Variants in PAF1 observed in about 807,000 individuals in gnomAD.
PAF1 encodes RNA polymerase II-associated factor 1 homolog.
Under a neutral mutation model 68.4 loss-of-function variants are expected in PAF1, and 31 were observed. That is an observed-to-expected ratio of 0.45 (90% CI 0.34 to 0.61). The LOEUF is 0.61. Among genes scored for constraint, PAF1 ranks in the 20% least tolerant of loss-of-function variants. The pLI is 0.01. For synonymous variants in PAF1, 256 were observed against 240.5 expected, an observed-to-expected ratio of 1.06 and a Z score of -0.60; for missense variants, 435 against 692.9, an observed-to-expected ratio of 0.63 and a Z score of 4.18.
In PAF1 at chr19:39,388,580, C is replaced by T. The variant is rs767423189; in HGVS notation, c.837G>A (p.Met279Ile). 15 of 1,613,942 alleles carry T rather than the reference C, an allele frequency of 9.3e-6. No individual in the cohort carries two copies. Among genetic ancestry groups the T allele is most frequent in the Non-Finnish European group, 1.1e-5 (13 of 1,179,934 alleles). Residue 279 changes from methionine to isoleucine, a missense_variant, in exon 10 of 14, where the codon ATG (methionine) becomes ATA (isoleucine). Transcript: ENST00000221265. ...KKRKRDQEEEMDYAPDDVYDY... is the reference protein window; with the variant it reads ...KKRKRDQEEEIDYAPDDVYDY... The stretch of plus-strand genomic sequence containing the variant: ...CGCACACATCATCTGGTGCATAGTC[C>T]ATCTCCTCCTCCTGGTCCCGCTTTC...
At chr19:39,387,354 G>A in intron 11 of PAF1, 1 of 191,444 alleles carries the variant, frequency 5.2e-6, no homozygotes. Context: ...AACATGCAGT[G>A]CATTACTGTA....
rs1445148671 is a variant in PAF1 at position 39,390,832 on chromosome 19, C to G, written c.33G>C (p.Arg11=). The part of the protein sequence containing the change: MAPTIQTQAQ[R]EDGHRPNSHR... Reference sequence around the variant, plus strand: ...GTGGCGCCTACCTGTGGCCATCCTCCCGCTGGGCCTGGGTCTGGATGGTGG... The same window carrying G: ...GTGGCGCCTACCTGTGGCCATCCTCGCGCTGGGCCTGGGTCTGGATGGTGG... Residue 11 remains arginine, a synonymous_variant, in exon 1 of 14, where the codon CGG becomes CGC. Transcript: ENST00000221265. 4 of 1,587,012 alleles carry G rather than the reference C, an allele frequency of 2.5e-6. No individual in the cohort carries two copies. The highest frequency in any genetic ancestry group is 3.4e-6 in the Non-Finnish European group (4 of 1,166,492).
chr19:39,390,017 C>T, intron 3 of PAF1, 52 bp downstream of exon 3: 2 of 1,439,638 alleles, frequency 1.4e-6, no homozygotes, highest in East Asian at 2.3e-5. Context: ...ACAAGCAGTC[C>T]CTGCCTTCAA....
Position 39,389,229 on chromosome 19 carries a change from C to T in PAF1, c.462-31G>A. The T allele has an allele frequency of 6.2e-7, 1 of 1,606,120 alleles. No homozygotes were observed. ...AATGAAGAAAAAGGTCCTTAGGGGCCACTGGACACACCTAATATCTCCACC... is the reference window on the plus strand; with the variant it reads ...AATGAAGAAAAAGGTCCTTAGGGGCTACTGGACACACCTAATATCTCCACC... On this transcript the variant is annotated intron_variant, in intron 6 of 13. Coordinates refer to ENST00000221265, the MANE Select transcript of PAF1 (RefSeq NM_019088.4). The surrounding 1 kb of genome is among the most constrained non-coding windows in gnomAD (Gnocchi z 5.3).
chr19:39,388,555 C>T lies in PAF1; in HGVS notation c.857+5G>A. On this transcript the variant is annotated splice_donor_5th_base_variant and intron_variant, in intron 10 of 13. Coordinates refer to ENST00000221265, the MANE Select transcript of PAF1 (RefSeq NM_019088.4). Reference sequence around the variant, plus strand: ...ATCCCCAAAACTTAACCGCAACCCACGCACACATCATCTGGTGCATAGTCC... The same window carrying T: ...ATCCCCAAAACTTAACCGCAACCCATGCACACATCATCTGGTGCATAGTCC... 4.3e-6 allele frequency: 7 copies of T among 1,613,558 alleles called. No homozygotes were observed. Among genetic ancestry groups the T allele is most frequent in the East Asian group, 2.2e-5 (1 of 44,880 alleles).
In PAF1 at chr19:39,390,987, G is replaced by C; in HGVS notation, c.-123C>G. The C allele has an allele frequency of 9.9e-7, 1 of 1,012,318 alleles. No homozygotes were observed. The highest frequency in any genetic ancestry group is 1.4e-6 in the Non-Finnish European group (1 of 696,200). 62.7% of individuals were successfully genotyped at this position (1,012,318 alleles called of 1,614,324 possible). On this transcript the variant is annotated 5_prime_UTR_variant, in exon 1 of 14. Transcript: ENST00000221265. Reference sequence around the variant, plus strand: ...GCCCAGCTTGGCGCCGCTCCCCGCGGAAAGTGGGTTGAGATGAGGTGGGCG... The same window carrying C: ...GCCCAGCTTGGCGCCGCTCCCCGCGCAAAGTGGGTTGAGATGAGGTGGGCG...
intron 11 of PAF1, among the ~76,000 whole-genome samples, chr19:39,388,079 T>A (rs1241471958): frequency 6.6e-6 from 1 of 152,158 alleles, no homozygotes; most frequent in Non-Finnish European, 1.5e-5. Flanking sequence ...AAGCGGAGGT[T>A]GCAGTGGGCT....
At position 39,390,006 on chromosome 19, in the gene PAF1, G is replaced by A. The variant is rs370750920; in HGVS notation, c.170+63C>T. ...GCCCTGAGCAGACAGCAGCCAACGAGACAAGCAGTCCCTGCCTTCAAGGAA... is the reference window on the plus strand; with the variant it reads ...GCCCTGAGCAGACAGCAGCCAACGAAACAAGCAGTCCCTGCCTTCAAGGAA... On this transcript the variant is annotated intron_variant, in intron 3 of 13. Coordinates refer to ENST00000221265, the MANE Select transcript of PAF1 (RefSeq NM_019088.4). 30 of 1,355,572 alleles carry A rather than the reference G, an allele frequency of 2.2e-5. 1 individual carries two copies. The highest frequency in any genetic ancestry group is 1.8e-4 in the South Asian group (15 of 84,988). The allele number at this position is 1,355,572 out of a possible 1,614,324, so 84.0% of individuals were successfully genotyped here. A position where few individuals can be genotyped will look rare whatever the true frequency, so the allele number is the denominator to read the frequency against.
chr19:39,389,021 G>A lies in PAF1; in HGVS notation c.568-6C>T. 1 of 1,614,030 alleles carries A rather than the reference G, an allele frequency of 6.2e-7. No individual in the cohort carries two copies. The highest frequency in any genetic ancestry group is 2.2e-5 in the East Asian group (1 of 44,884). ...TTGCTGTAATGCTGTGAGATCTGGT[G>A]GAACAAAAACAAGGTGAGGAGGAGC... On this transcript the variant is annotated splice_region_variant and splice_polypyrimidine_tract_variant and intron_variant, in intron 7 of 13. Transcript: ENST00000221265. This position sits in a 1 kb window ranked among gnomAD's most constrained non-coding sequence, Gnocchi z 5.3.
rs1458237255 is a variant in PAF1, at chr19:39,388,545, C to T, written c.857+15G>A. 8.1e-6 allele frequency: 13 copies of T among 1,613,792 alleles called. No individual in the cohort carries two copies. In the South Asian group the frequency reaches 8.8e-5, roughly 11 times the overall value. On this transcript the variant is annotated intron_variant, in intron 10 of 13. Coordinates refer to ENST00000221265, the MANE Select transcript of PAF1 (RefSeq NM_019088.4). ...AAACTTCCCAATCCCCAAAACTTAACCGCAACCCACGCACACATCATCTGG... is the reference window on the plus strand; with the variant it reads ...AAACTTCCCAATCCCCAAAACTTAATCGCAACCCACGCACACATCATCTGG...
rs1230916428 is a variant in PAF1, at chr19:39,388,883, C to G, written c.637-18G>C. ...ATCCACATCTAGGGAGATGGAGGCA[C>G]TGGGGTTAGATGGGAACAGGCACAA... is the stretch of plus-strand genomic sequence containing the variant. On this transcript the variant is annotated intron_variant, in intron 8 of 13. Coordinates refer to ENST00000221265, the MANE Select transcript of PAF1 (RefSeq NM_019088.4). 6.2e-7 allele frequency: 1 copy of G among 1,612,590 alleles called. No homozygotes were observed. Among genetic ancestry groups the G allele is most frequent in the Admixed American group, 1.7e-5 (1 of 60,028 alleles).
Position 39,389,332 on chromosome 19 carries a change from G to A in PAF1, c.411C>T (p.Ile137=), listed in dbSNP as rs2078321585. Residue 137 remains isoleucine, a synonymous_variant, in exon 6 of 14, where the codon ATC becomes ATT. Coordinates refer to ENST00000221265, the MANE Select transcript of PAF1 (RefSeq NM_019088.4). This position sits in a 1 kb window ranked among gnomAD's most constrained non-coding sequence, Gnocchi z 5.3. ...VVPWMRKTEY[I]STEFNRYGIS... ...TGCCATAACGGTTGAACTCAGTGGA[G>A]ATGTACTCTGTCTTTCGCATCCATG... The A allele has an allele frequency of 6.2e-7, 1 of 1,614,068 alleles. No individual in the cohort carries two copies. Among genetic ancestry groups the A allele is most frequent in the Non-Finnish European group, 8.5e-7 (1 of 1,180,034 alleles).
intron 11 of PAF1, 131 bp downstream of exon 11, chr19:39,388,208 A>G: frequency 1.2e-6 from 1 of 854,118 alleles, no homozygotes; most frequent in Admixed American, 2.3e-5. Flanking sequence ...ATGACCAGAC[A>G]TCTGCTGCTC....
chr19:39,389,897 C>A lies in PAF1; in HGVS notation c.171-136G>T. The A allele has an allele frequency of 7.8e-7, 1 of 1,278,054 alleles. No individual in the cohort carries two copies. Among genetic ancestry groups the A allele is most frequent in the Non-Finnish European group, 1.1e-6 (1 of 885,874 alleles). 79.2% of individuals were successfully genotyped at this position (1,278,054 alleles called of 1,614,324 possible). On this transcript the variant is annotated intron_variant, in intron 3 of 13. Transcript: ENST00000221265. This position sits in a 1 kb window ranked among gnomAD's most constrained non-coding sequence, Gnocchi z 5.3. ...CATGGCAGAGTCTGAAAGCTGGCTCCCCAGTGGGAAGGGACTTGGACACTG... is the reference window on the plus strand; with the variant it reads ...CATGGCAGAGTCTGAAAGCTGGCTCACCAGTGGGAAGGGACTTGGACACTG...
At position 39,389,865 on chromosome 19, in the gene PAF1, T is replaced by C. The variant is rs1412141177; in HGVS notation, c.171-104A>G. ...CTCTGGGGAGGAACTCAGAATGAAG[T>C]GTCCCCCATGGCAGAGTCTGAAAGC... On this transcript the variant is annotated intron_variant, in intron 3 of 13. Transcript: ENST00000221265. The surrounding 1 kb of genome is among the most constrained non-coding windows in gnomAD (Gnocchi z 5.3). 1.3e-6 allele frequency: 2 copies of C among 1,482,680 alleles called. No homozygotes were observed. Among genetic ancestry groups the C allele is most frequent in the African/African-American group, 2.8e-5 (2 of 72,232 alleles). 91.8% of individuals were successfully genotyped at this position (1,482,680 alleles called of 1,614,324 possible). A position where few individuals can be genotyped will look rare whatever the true frequency, so the allele number is the denominator to read the frequency against.
chr19:39,390,793 T>C lies in PAF1; in HGVS notation c.47+25A>G, dbSNP rs772121119. The C allele has an allele frequency of 2.5e-5, 40 of 1,569,390 alleles. No individual in the cohort carries two copies. The South Asian group carries it at 3.0e-4, about 12-fold the overall frequency. On this transcript the variant is annotated intron_variant, in intron 1 of 13. Transcript: ENST00000221265. ...ACCCTCTCCCGATCCCCCGCCTTGCTGCAACAGAAAAGCGTGGCGCCTACC... is the reference window on the plus strand; with the variant it reads ...ACCCTCTCCCGATCCCCCGCCTTGCCGCAACAGAAAAGCGTGGCGCCTACC...
Position 39,389,688 on chromosome 19 carries a change from C to T in PAF1, c.244G>A (p.Val82Ile). ...TCAGGATTGATGAGATCGATGGTGA[C>T]CCCCAGGTCTGGCTCAGTCAGGAGG... ...HDLLTEPDLG[V>I]TIDLINPDTY... Residue 82 changes from valine to isoleucine, a missense_variant, in exon 4 of 14, where the codon GTC becomes ATC. This residue lies in a region of PAF1 where 77 missense variants were observed against 118.2 expected (regional missense o/e 0.65). Transcript: ENST00000221265. The surrounding 1 kb of genome is among the most constrained non-coding windows in gnomAD (Gnocchi z 5.3). The T allele has an allele frequency of 1.2e-6, 2 of 1,614,104 alleles. No homozygotes were observed. Among genetic ancestry groups the T allele is most frequent in the Non-Finnish European group, 1.7e-6 (2 of 1,179,968 alleles).
Position 39,388,604 on chromosome 19 carries a change from TC to T in PAF1, c.812del (p.Arg271GlnfsTer29). On this transcript the variant is annotated frameshift_variant, in exon 10 of 14. Coordinates refer to ENST00000221265, the MANE Select transcript of PAF1 (RefSeq NM_019088.4). LOFTEE classifies it high-confidence loss of function. ...FLPVEETLKK[R>X]KRDQEEEMDY... The stretch of plus-strand genomic sequence containing the variant: ...CCATCTCCTCCTCCTGGTCCCGCTT[TC>T]GTTTCTTCAACGTCTCTTCTACAGG... 1 of 1,614,138 alleles carries T rather than the reference TC, an allele frequency of 6.2e-7. No homozygotes were observed. The highest frequency in any genetic ancestry group is 8.5e-7 in the Non-Finnish European group (1 of 1,180,024).
At position 39,386,383 on chromosome 19, in the gene PAF1, T is replaced by TGCC; in HGVS notation, c.1201_1203dup (p.Gly401dup). The TGCC allele has an allele frequency of 1.2e-6, 2 of 1,614,168 alleles. No homozygotes were observed. The highest frequency in any genetic ancestry group is 1.7e-6 in the Non-Finnish European group (2 of 1,180,008). On this transcript the variant is annotated inframe_insertion, in exon 14 of 14. Coordinates refer to ENST00000221265, the MANE Select transcript of PAF1 (RefSeq NM_019088.4). This position sits in a 1 kb window ranked among gnomAD's most constrained non-coding sequence, Gnocchi z 6.1. ...TCACTGCCCTCCTTCTCACTGCTGC[T>TGCC]GCCCTTCTCCTGCTCCTCATCTGGA... is the stretch of plus-strand genomic sequence containing the variant.
Sources: gnomAD v4.1 joint callset for allele counts (sites outside exome capture counted in the v4.1 genomes callset) on GRCh38, gnomAD v4.1.1 for gene constraint, gnomAD v4.1.1 regional missense constraint, Gnocchi (gnomAD v3.1) non-coding constraint, MANE v1.5 for transcripts, NCBI Gene and HGNC (gene_info 2026-07-23, HGNC 2026-07-21) for gene names.